Variants in AMN1 observed in about 807,000 individuals in gnomAD.
The protein encoded by AMN1 is protein AMN1 homolog.
In AMN1, 20 loss-of-function variants were observed where a neutral mutation model predicts 33.0. The observed-to-expected ratio is 0.61, with a 90% CI of 0.43 to 0.88. The LOEUF is 0.88. AMN1 is among the 40% of genes least tolerant of loss of function. The probability of loss-of-function intolerance (pLI) is 0.00; values close to 1 mark genes in which losing one functional copy is unlikely to be tolerated. For synonymous variants in AMN1, 114 were observed against 111.9 expected, an observed-to-expected ratio of 1.02 and a Z score of -0.12; for missense variants, 246 against 307.4, an observed-to-expected ratio of 0.80 and a Z score of 1.49.
chr12:31,715,750 A>G (rs900558481), intron 1 of AMN1: 2 of 161,914 alleles, frequency 1.2e-5, no homozygotes, highest in East Asian at 3.4e-4. Context: ...ACACTTCTCC[A>G]GTGCTTTCAC....
Position 31,672,035 on chromosome 12 carries a change from C to A in AMN1, c.*269G>T. On this transcript the variant is annotated 3_prime_UTR_variant, in exon 7 of 7. Coordinates refer to ENST00000281471, the MANE Select transcript of AMN1 (RefSeq NM_001113402.2). ...TTATTTAAGAAACAGAATCCAACAC[C>A]ATAGATCAGAGTTCATGCTAGGATT... 2 of 317,976 alleles carry A rather than the reference C, an allele frequency of 6.3e-6. No homozygotes were observed. The highest frequency in any genetic ancestry group is 1.2e-5 in the Non-Finnish European group (2 of 173,004). 19.7% of individuals were successfully genotyped at this position (317,976 alleles called of 1,614,324 possible).
At chr12:31,703,346 A>T (rs1481072967) in intron 2 of AMN1, among the ~76,000 whole-genome samples, 3 of 152,240 alleles carry the variant, frequency 2.0e-5, no homozygotes, top group African/African-American at 7.2e-5. Context: ...GGTTAGTTAC[A>T]GGGATATACT....
chr12:31,680,918 C>A (rs1307346993), intron 6 of AMN1, among the ~76,000 whole-genome samples: 1 of 152,086 alleles, frequency 6.6e-6, no homozygotes, highest in Non-Finnish European at 1.5e-5. Flanking sequence ...AAACAAAAAA[C>A]CCCCACAAAC....
rs1938104600 is a variant in AMN1, at chr12:31,683,152, G to A, written c.703+5855C>T. Reference sequence around the variant, plus strand: ...TAATTTTTGTATTTTTAGTAGAGAGGGGGTTTCACCATATTGGCCAGGCTG... The same window carrying A: ...TAATTTTTGTATTTTTAGTAGAGAGAGGGTTTCACCATATTGGCCAGGCTG... On this transcript the variant is annotated intron_variant, in intron 6 of 6. Transcript: ENST00000281471. The surrounding 1 kb of genome is among the most constrained non-coding windows in gnomAD (Gnocchi z 4.1). 6.6e-6 allele frequency among the ~76,000 whole-genome samples: 1 copy of A among 151,932 alleles called. No individual in the cohort carries two copies. The highest frequency in any genetic ancestry group is 2.1e-4 in the South Asian group (1 of 4,826).
At chr12:31,708,244 T>C (rs979442292) in intron 2 of AMN1, among the ~76,000 whole-genome samples, 1 of 152,158 alleles carries the variant, frequency 6.6e-6, no homozygotes, top group African/African-American at 2.4e-5. Flanking sequence ...GCAAGGAATA[T>C]TAAGACCCTA....
chr12:31,702,010 A>G lies in AMN1; in HGVS notation c.172-3T>C, dbSNP rs200109528. On this transcript the variant is annotated splice_polypyrimidine_tract_variant and splice_region_variant and intron_variant, in intron 2 of 6. Coordinates refer to ENST00000281471, the MANE Select transcript of AMN1 (RefSeq NM_001113402.2). Reference sequence around the variant, plus strand: ...GTTTGGACTTCAGGATGTAAAATCTATAACAAATAAGTGATTTTGAAAAAA... The same window carrying G: ...GTTTGGACTTCAGGATGTAAAATCTGTAACAAATAAGTGATTTTGAAAAAA... 640 of 1,583,260 alleles carry G rather than the reference A, an allele frequency of 4.0e-4. 3 individuals carry two copies. In the African/African-American group the frequency reaches 8.1e-3, roughly 20 times the overall value.
chr12:31,706,535 A>G (rs914712201), intron 2 of AMN1, among the ~76,000 whole-genome samples: 2 of 152,126 alleles, frequency 1.3e-5, no homozygotes, highest in Non-Finnish European at 2.9e-5. Context: ...ACTAACTAGC[A>G]TTTTCACTTT....
intron 3 of AMN1, among the ~76,000 whole-genome samples, chr12:31,698,330 T>C (rs1203928907): frequency 6.6e-6 from 1 of 152,232 alleles, no homozygotes; most frequent in African/African-American, 2.4e-5. Flanking sequence ...CTAGTGGACT[T>C]TGGAGGCAAA....
intron 6 of AMN1, among the ~76,000 whole-genome samples, chr12:31,685,060 C>T (rs1231706542): frequency 1.3e-5 from 2 of 148,848 alleles, no homozygotes; most frequent in African/African-American, 2.5e-5. Flanking sequence ...AGAGTCCTGC[C>T]CACTCTTGCC....
rs1938809257 is a variant in AMN1 at position 31,697,963 on chromosome 12, G to T, written c.317-6C>A. Reference sequence around the variant, plus strand: ...TGAAGCCACAGCTTTTATTCCTGGGGGAAAATATAATTATATATCAATGAG... The same window carrying T: ...TGAAGCCACAGCTTTTATTCCTGGGTGAAAATATAATTATATATCAATGAG... On this transcript the variant is annotated splice_region_variant and splice_polypyrimidine_tract_variant and intron_variant, in intron 3 of 6. Transcript: ENST00000281471. The T allele has an allele frequency of 6.2e-7, 1 of 1,612,904 alleles. No homozygotes were observed. The highest frequency in any genetic ancestry group is 1.3e-5 in the African/African-American group (1 of 74,984).
chr12:31,685,741 C>T (rs1938229351), intron 6 of AMN1, among the ~76,000 whole-genome samples: 1 of 139,012 alleles, frequency 7.2e-6, no homozygotes, highest in African/African-American at 2.7e-5. Context: ...GCGGAGGTTG[C>T]AGTGAGTCAA....
chr12:31,703,976 T>C (rs1187630636), intron 2 of AMN1, among the ~76,000 whole-genome samples: 1 of 152,236 alleles, frequency 6.6e-6, no homozygotes, highest in East Asian at 1.9e-4. Flanking sequence ...TTGTGAGAAA[T>C]AAAGGTGTCT....
intron 1 of AMN1, among the ~76,000 whole-genome samples, chr12:31,713,112 T>C (rs1939531660): frequency 6.6e-6 from 1 of 152,206 alleles, no homozygotes; most frequent in Admixed American, 6.5e-5. Context: ...TTTTGTTATT[T>C]GTTGACAAAT....
At chr12:31,710,083 T>C (rs1456406365) in intron 1 of AMN1, among the ~76,000 whole-genome samples, 1 of 152,214 alleles carries the variant, frequency 6.6e-6, no homozygotes, top group Admixed American at 6.5e-5. Flanking sequence ...TATCTGTTAA[T>C]CCAGCAAACT....
chr12:31,689,923 C>A lies in AMN1; in HGVS notation c.592-805G>T, dbSNP rs188650779. Among the ~76,000 whole-genome samples, 146 of 152,256 alleles carry A rather than the reference C, an allele frequency of 9.6e-4. 2 individuals carry two copies. The highest frequency in any genetic ancestry group is 1.2e-3 in the Non-Finnish European group (81 of 68,020). On this transcript the variant is annotated intron_variant, in intron 5 of 6. Transcript: ENST00000281471. ...CCCTCACCTCCTTCCCACCCTTTCC[C>A]CCTGAGTCCCCAAAGTCCATTATGT...
At chr12:31,697,991 A>G (rs750063416) in intron 3 of AMN1, 34 bp from the exon 4 acceptor site, 7 of 1,570,838 alleles carry the variant, frequency 4.5e-6, no homozygotes, top group Admixed American at 1.7e-5. Context: ...TCAATGAGCT[A>G]TATGTGTGTA....
intron 6 of AMN1, among the ~76,000 whole-genome samples, chr12:31,674,792 G>T (rs1951352461): frequency 6.6e-6 from 1 of 151,962 alleles, no homozygotes; most frequent in Non-Finnish European, 1.5e-5. Flanking sequence ...GCTGAGGGCG[G>T]ATCACCTGAG....
At chr12:31,718,890 A>T (rs1303782431) in intron 1 of AMN1, among the ~76,000 whole-genome samples, 1 of 152,252 alleles carries the variant, frequency 6.6e-6, no homozygotes, top group Non-Finnish European at 1.5e-5. Flanking sequence ...CTCAAGCCTC[A>T]GCAATGGCAG....
At chr12:31,725,085 C>T (rs566928526) in intron 1 of AMN1, among the ~76,000 whole-genome samples, 11 of 152,274 alleles carry the variant, frequency 7.2e-5, no homozygotes, top group Admixed American at 3.9e-4. Flanking sequence ...GGGTGCTTCT[C>T]CCCCCACAGT....
Sources: gnomAD v4.1 joint callset for allele counts (sites outside exome capture counted in the v4.1 genomes callset) on GRCh38, gnomAD v4.1.1 for gene constraint, Gnocchi (gnomAD v3.1) non-coding constraint, MANE v1.5 for transcripts, NCBI Gene and HGNC (gene_info 2026-07-23, HGNC 2026-07-21) for gene names.